The following LAMA2 variants were observed in gnomAD, a reference collection of about 807,000 sequenced individuals.
The protein encoded by LAMA2 is laminin subunit alpha 2.
A neutral mutation model predicts 364.8 loss-of-function variants in LAMA2; 269 were observed. The ratio of observed to expected loss-of-function variants is 0.74; its 90% CI spans 0.67 to 0.82. The LOEUF (loss-of-function observed/expected upper bound fraction) is 0.82. Ranked by LOEUF, LAMA2 falls within the 40% of genes least tolerant of loss-of-function variation. The pLI, the probability that LAMA2 is intolerant of heterozygous loss-of-function variation, is 0.00. For missense variants in LAMA2, 3,807 were observed against 3,873.2 expected, an observed-to-expected ratio of 0.98 and a Z score of 0.45; for synonymous variants, 1,379 against 1,370.6, an observed-to-expected ratio of 1.01 and a Z score of -0.14.
At chr6:129,281,735 G>A (rs1032417241) in intron 18 of LAMA2, among the ~76,000 whole-genome samples, 1 of 152,102 alleles carries the variant, frequency 6.6e-6, no homozygotes, top group African/African-American at 2.4e-5. Flanking sequence ...TCTAAAATCT[G>A]TATTAATCTG....
chr6:129,177,562 G>T, intron 9 of LAMA2, 144 bp from the exon 10 acceptor site: 1 of 750,276 alleles, frequency 1.3e-6, no homozygotes. Flanking sequence ...TCTACTCTTT[G>T]GTTTTAACTT....
chr6:129,288,131 G>C, intron 19 of LAMA2, 73 bp downstream of exon 19: 1 of 1,289,854 alleles, frequency 7.8e-7, no homozygotes, highest in Non-Finnish European at 1.1e-6. Context: ...GAGTTCTTGA[G>C]TGTGGATTGA....
rs1457671198 is a variant in LAMA2 at position 129,198,822 on chromosome 6, A to C, written c.1782+5969A>C. On this transcript the variant is annotated intron_variant, in intron 12 of 64. Transcript: ENST00000421865. ...ACTTAAAAAAACTGACTCAAAGAAAAAAAATCTATAATGTCAGATAAACAT... is the reference window on the plus strand; with the variant it reads ...ACTTAAAAAAACTGACTCAAAGAAACAAAATCTATAATGTCAGATAAACAT... Among the ~76,000 whole-genome samples, 9 of 152,202 alleles carry C rather than the reference A, an allele frequency of 5.9e-5. No homozygotes were observed. The East Asian group carries it at 1.7e-3, about 29-fold the overall frequency.
intron 28 of LAMA2, among the ~76,000 whole-genome samples, 198 bp downstream of exon 28, chr6:129,320,853 CA>C (rs931788826): frequency 3.9e-5 from 6 of 152,098 alleles, no homozygotes; most frequent in African/African-American, 1.2e-4. Context: ...AATAGTTGAT[CA>C]AAAATTTAAA....
At chr6:129,396,230 T>C (rs1220771225) in intron 37 of LAMA2, among the ~76,000 whole-genome samples, 1 of 152,206 alleles carries the variant, frequency 6.6e-6, no homozygotes, top group African/African-American at 2.4e-5. Context: ...ACCAGGGTAT[T>C]TGAGGTTGAA....
chr6:129,024,425 C>G (rs147077722), intron 1 of LAMA2, among the ~76,000 whole-genome samples: 3 of 146,662 alleles, frequency 2.0e-5, no homozygotes, highest in African/African-American at 7.5e-5. Context: ...AGTCCATTGC[C>G]CAGGCTGGTG....
rs537504933 is a variant in LAMA2 at position 129,157,301 on chromosome 6, T to C, written c.1206+2618T>C. 3.9e-5 allele frequency among the ~76,000 whole-genome samples: 6 copies of C among 152,286 alleles called. No individual in the cohort carries two copies. The South Asian group carries it at 1.0e-3, about 26-fold the overall frequency. ...TTAAAAAAAGGCATCAAAAACCACA[T>C]TTAAAATAAAGTTGTCCATATATAA... On this transcript the variant is annotated intron_variant, in intron 8 of 64. Transcript: ENST00000421865.
intron 30 of LAMA2, among the ~76,000 whole-genome samples, chr6:129,342,828 C>T (rs1008652628): frequency 5.9e-5 from 9 of 151,954 alleles, no homozygotes; most frequent in African/African-American, 9.7e-5. Flanking sequence ...AAGGATTGTT[C>T]GGGTGCATAT....
At chr6:129,499,905 T>TTTG (rs936729684) in intron 58 of LAMA2, among the ~76,000 whole-genome samples, 1 of 152,058 alleles carries the variant, frequency 6.6e-6, no homozygotes, top group South Asian at 2.1e-4. Context: ...TTTTAATTTT[T>TTTG]TTGTTGTTGT....
chr6:129,341,524 G>A (rs1391896751), intron 29 of LAMA2, among the ~76,000 whole-genome samples: 2 of 152,056 alleles, frequency 1.3e-5, no homozygotes, highest in Non-Finnish European at 2.9e-5. Context: ...TTGCTGCCAT[G>A]TTTATTTTTT....
rs144065266 is a variant in LAMA2, at chr6:129,391,874, T to C, written c.5234+221T>C. Among the ~76,000 whole-genome samples the C allele has an allele frequency of 2.0e-3, 298 of 152,294 alleles. 1 individual carries two copies. Among genetic ancestry groups the C allele is most frequent in the African/African-American group, 7.0e-3 (291 of 41,568 alleles). On this transcript the variant is annotated intron_variant, in intron 36 of 64. Coordinates refer to ENST00000421865, the MANE Select transcript of LAMA2 (RefSeq NM_000426.4). ...TTACTTATTTAATTGTACTTTACCA[T>C]TGTTCCAAAATGAATCAAAAGCATG...
At chr6:129,358,006 C>G (rs1215786802) in intron 32 of LAMA2, among the ~76,000 whole-genome samples, 1 of 151,948 alleles carries the variant, frequency 6.6e-6, no homozygotes, top group Non-Finnish European at 1.5e-5. Context: ...TCTCTCTGCT[C>G]GTACTCACTG....
intron 14 of LAMA2, among the ~76,000 whole-genome samples, chr6:129,254,620 A>T (rs930596834): frequency 2.2e-4 from 33 of 152,210 alleles, no homozygotes; most frequent in African/African-American, 6.8e-4. Context: ...TACATATGAC[A>T]GTTCTTACTA....
At chr6:129,016,312 A>G (rs1220996212) in intron 1 of LAMA2, among the ~76,000 whole-genome samples, 1 of 152,026 alleles carries the variant, frequency 6.6e-6, no homozygotes, top group African/African-American at 2.4e-5. Context: ...CTACTCTATG[A>G]TGTTGCAATT....
chr6:128,888,987 A>G (rs1776298393), intron 1 of LAMA2, among the ~76,000 whole-genome samples: 1 of 152,174 alleles, frequency 6.6e-6, no homozygotes, highest in Non-Finnish European at 1.5e-5. Context: ...CACTTCAACC[A>G]TCTTATCATG....
At chr6:129,065,907 C>T (rs1269988265) in intron 3 of LAMA2, among the ~76,000 whole-genome samples, 1 of 152,044 alleles carries the variant, frequency 6.6e-6, no homozygotes, top group Non-Finnish European at 1.5e-5. Flanking sequence ...TCCTCATTCT[C>T]TCCTTGCCTG....
intron 12 of LAMA2, among the ~76,000 whole-genome samples, chr6:129,225,263 G>A (rs2115109193): frequency 6.6e-6 from 1 of 152,136 alleles, no homozygotes; most frequent in East Asian, 1.9e-4. Flanking sequence ...TATCAATTTT[G>A]TTGATCTTTT....
At position 129,176,392 on chromosome 6, in the gene LAMA2, A is replaced by G. The variant is rs534304480; in HGVS notation, c.1307-1314A>G. Among the ~76,000 whole-genome samples the G allele has an allele frequency of 8.6e-4, 131 of 152,128 alleles. 1 individual carries two copies. The highest frequency in any genetic ancestry group is 2.8e-3 in the African/African-American group (117 of 41,580). ...GATAATTGAGTATTTTTTATAGTCA[A>G]TCACAAACTATGGTAAATATTTAGT... On this transcript the variant is annotated intron_variant, in intron 9 of 64. Transcript: ENST00000421865.
At chr6:129,252,747 T>A (rs1457979284) in intron 14 of LAMA2, among the ~76,000 whole-genome samples, 2 of 150,558 alleles carry the variant, frequency 1.3e-5, no homozygotes, top group Non-Finnish European at 2.9e-5. Flanking sequence ...AGTCTTTTCA[T>A]TTAAGTGACC....
Sources: allele counts gnomAD v4.1 joint callset (sites outside exome capture counted in the v4.1 genomes callset), GRCh38; gene constraint gnomAD v4.1.1; transcripts MANE v1.5; gene names NCBI Gene and HGNC (gene_info 2026-07-23, HGNC 2026-07-21).